The following STAG1 variants were observed in gnomAD, a reference collection of about 807,000 sequenced individuals.
The protein encoded by STAG1 is cohesin subunit SA-1.
Under a neutral mutation model 170.9 loss-of-function variants are expected in STAG1, and 26 were observed. The observed-to-expected ratio is 0.15, with a 90% CI of 0.11 to 0.21. The LOEUF (loss-of-function observed/expected upper bound fraction) is 0.21, where lower values mean the gene tolerates loss of function less well. Among genes scored for constraint, STAG1 ranks in the 10% least tolerant of loss-of-function variants. The pLI is 1.00. For missense variants in STAG1, 964 were observed against 1,509.5 expected (o/e 0.64, Z 5.99); for synonymous variants, 514 against 497.7 (o/e 1.03, Z -0.44).
At chr3:136,381,206 A>G (rs909788772) in intron 22 of STAG1, among the ~76,000 whole-genome samples, 1 of 152,100 alleles carries the variant, frequency 6.6e-6, no homozygotes, top group Non-Finnish European at 1.5e-5. Flanking sequence ...GGGAGTCTTC[A>G]GCATTTAGAT....
chr3:136,385,310 T>G (rs971254714), intron 22 of STAG1, among the ~76,000 whole-genome samples: 6 of 152,030 alleles, frequency 3.9e-5, no homozygotes, highest in African/African-American at 1.4e-4. Flanking sequence ...TGTGGTGACA[T>G]GCACCTATAG....
At chr3:136,498,257 C>CACACACACACATACATATACAT (rs1933252072) in intron 9 of STAG1, among the ~76,000 whole-genome samples, 4 of 83,674 alleles carry the variant, frequency 4.8e-5, no homozygotes, top group African/African-American at 1.3e-4. Context: ...CATACACACA[C>CACACACACACATACATATACAT]ACACACACAC....
intron 5 of STAG1, among the ~76,000 whole-genome samples, chr3:136,557,889 A>G (rs945979531): frequency 1.3e-5 from 2 of 152,162 alleles, no homozygotes; most frequent in African/African-American, 4.8e-5. Context: ...AAGACAAATA[A>G]ATTTGGTTAC....
At chr3:136,348,630 C>A (rs2108267351) in intron 29 of STAG1, among the ~76,000 whole-genome samples, 1 of 152,126 alleles carries the variant, frequency 6.6e-6, no homozygotes, top group Middle Eastern at 3.4e-3. Context: ...TCTCAAATTT[C>A]TGGCCTTAAT....
chr3:136,677,276 T>C (rs1942155239), intron 1 of STAG1, among the ~76,000 whole-genome samples: 1 of 152,170 alleles, frequency 6.6e-6, no homozygotes, highest in Non-Finnish European at 1.5e-5. Flanking sequence ...CCACAAACGT[T>C]GACTATTTTG....
intron 1 of STAG1, among the ~76,000 whole-genome samples, chr3:136,706,664 A>T (rs1943234562): frequency 6.6e-6 from 1 of 152,178 alleles, no homozygotes; most frequent in South Asian, 2.1e-4. Context: ...ATTCGGTGCA[A>T]CCCCTATAAA....
At chr3:136,411,328 A>T (rs2087617731) in intron 21 of STAG1, among the ~76,000 whole-genome samples, 1 of 152,162 alleles carries the variant, frequency 6.6e-6, no homozygotes, top group African/African-American at 2.4e-5. Context: ...GAAAAAAATA[A>T]AAAATAAAAT....
chr3:136,747,611 G>T (rs1935010740), intron 1 of STAG1, among the ~76,000 whole-genome samples: 1 of 151,512 alleles, frequency 6.6e-6, no homozygotes, highest in African/African-American at 2.4e-5. Flanking sequence ...GGGAGGTTGA[G>T]GCTGCAGTGA....
chr3:136,370,345 C>CT (rs769189953), intron 23 of STAG1, among the ~76,000 whole-genome samples: 1 of 151,702 alleles, frequency 6.6e-6, no homozygotes, highest in Non-Finnish European at 1.5e-5. Context: ...GTATGTGTTT[C>CT]TTTTTTTAAT....
intron 1 of STAG1, among the ~76,000 whole-genome samples, chr3:136,686,596 A>G (rs1029820165): frequency 3.9e-5 from 6 of 152,246 alleles, no homozygotes; most frequent in African/African-American, 9.6e-5. Context: ...CTTAAAGATC[A>G]TAAGGTAAAG....
intron 1 of STAG1, among the ~76,000 whole-genome samples, chr3:136,688,776 C>G (rs922907800): frequency 6.6e-6 from 1 of 152,148 alleles, no homozygotes; most frequent in African/African-American, 2.4e-5. Flanking sequence ...ACTAAAAAAG[C>G]AGAGTGACCT....
At chr3:136,595,069 C>G (rs1324757129) in intron 4 of STAG1, among the ~76,000 whole-genome samples, 2 of 152,118 alleles carry the variant, frequency 1.3e-5, no homozygotes, top group Admixed American at 6.6e-5. Context: ...ATGTCCAGCC[C>G]TATAGTCCAA....
intron 22 of STAG1, among the ~76,000 whole-genome samples, chr3:136,395,017 TGGGA>T (rs148025913): frequency 0.043 from 6,119 of 142,258 alleles, 171 homozygotes; most frequent in South Asian, 0.073. Context: ...GGGGCTGAGG[TGGGA>T]GGATCACCTG....
chr3:136,417,406 A>G (rs1384671511), intron 21 of STAG1, among the ~76,000 whole-genome samples: 2 of 152,150 alleles, frequency 1.3e-5, no homozygotes. Flanking sequence ...GATTAGGCAA[A>G]GTTTGTTGAA....
At chr3:136,419,036 A>C (rs1411540581) in intron 20 of STAG1, among the ~76,000 whole-genome samples, 1 of 152,230 alleles carries the variant, frequency 6.6e-6, no homozygotes, top group Admixed American at 6.5e-5. Context: ...AAATGGAGAT[A>C]AAGATAAAAC....
At chr3:136,701,604 T>C (rs1943064498) in intron 1 of STAG1, among the ~76,000 whole-genome samples, 2 of 152,188 alleles carry the variant, frequency 1.3e-5, no homozygotes, top group South Asian at 2.1e-4. Flanking sequence ...TGTAAATATG[T>C]TGAATCTCTC....
At chr3:136,505,092 G>C (rs1014043001) in intron 7 of STAG1, among the ~76,000 whole-genome samples, 1 of 152,088 alleles carries the variant, frequency 6.6e-6, no homozygotes, top group Admixed American at 6.5e-5. Flanking sequence ...CATAAAATGA[G>C]GATTATGATG....
chr3:136,353,608 A>G (rs1289062005), intron 28 of STAG1, among the ~76,000 whole-genome samples: 1 of 152,246 alleles, frequency 6.6e-6, no homozygotes, highest in Admixed American at 6.5e-5. Context: ...AGAATCTTAC[A>G]TCGCTCACTG....
At chr3:136,617,300 T>C (rs1191458521) in intron 3 of STAG1, among the ~76,000 whole-genome samples, 2 of 152,304 alleles carry the variant, frequency 1.3e-5, no homozygotes, top group East Asian at 3.9e-4. Flanking sequence ...CTGGTCTTAA[T>C]GGAGGTACAA....
Sources: allele counts gnomAD v4.1 joint callset (sites outside exome capture counted in the v4.1 genomes callset), GRCh38; gene constraint gnomAD v4.1.1; transcripts MANE v1.5; gene names NCBI Gene and HGNC (gene_info 2026-07-23, HGNC 2026-07-21).